SMARCC1: variants seen among roughly 807,000 people sequenced by gnomAD.
SMARCC1 encodes SWI/SNF related BAF chromatin remodeling complex subunit C1.
Under a neutral mutation model 147.4 loss-of-function variants are expected in SMARCC1, and 43 were observed. The ratio of observed to expected loss-of-function variants is 0.29; its 90% CI spans 0.23 to 0.38. SMARCC1 has a LOEUF of 0.38. Among genes scored for constraint, SMARCC1 ranks in the 10% least tolerant of loss-of-function variants. The probability of loss-of-function intolerance (pLI) is 1.00; values close to 1 mark genes in which losing one functional copy is unlikely to be tolerated. For synonymous variants in SMARCC1, 495 were observed against 484.4 expected (o/e 1.02, Z -0.29); for missense variants, 1,119 against 1,381.1 (o/e 0.81, Z 3.01).
chr3:47,748,135 G>A (rs1490875532), intron 2 of SMARCC1, among the ~76,000 whole-genome samples: 1 of 152,160 alleles, frequency 6.6e-6, no homozygotes, highest in African/African-American at 2.4e-5. Context: ...GGGCGACACA[G>A]TGAGACTGTC....
intron 22 of SMARCC1, among the ~76,000 whole-genome samples, chr3:47,638,462 C>A (rs927313372): frequency 6.6e-6 from 1 of 152,158 alleles, no homozygotes; most frequent in Admixed American, 6.5e-5. Flanking sequence ...GTGGGAAATT[C>A]ATATTCCTTC....
At chr3:47,777,101 T>TGA (rs1559670703) in intron 1 of SMARCC1, among the ~76,000 whole-genome samples, 1 of 149,956 alleles carries the variant, frequency 6.7e-6, no homozygotes, top group African/African-American at 2.5e-5. Context: ...TTTTTTTTTT[T>TGA]GAGAGAGTCT....
In SMARCC1 at chr3:47,635,304, T is replaced by C. The variant is rs1375527862; in HGVS notation, c.2532A>G (p.Thr844=). 4 of 1,612,780 alleles carry C rather than the reference T, an allele frequency of 2.5e-6. No homozygotes were observed. The highest frequency in any genetic ancestry group is 1.3e-5 in the African/African-American group (1 of 74,926). The change falls in exon 24 of 28, where the codon ACA becomes ACG. Residue 844 remains threonine, a synonymous_variant. Coordinates refer to ENST00000254480, the MANE Select transcript of SMARCC1 (RefSeq NM_003074.4). ...CAGTATCACTTTCTCTTTCTTTACATGTATCAGTGAGTTCTTTGTTCTCTT... is the reference window on the plus strand; with the variant it reads ...CAGTATCACTTTCTCTTTCTTTACACGTATCAGTGAGTTCTTTGTTCTCTT... The part of the protein sequence containing the change: ...ETEENKELTD[T]CKERESDTGK...
chr3:47,717,261 T>C (rs1385495356), intron 7 of SMARCC1, among the ~76,000 whole-genome samples: 1 of 152,170 alleles, frequency 6.6e-6, no homozygotes, highest in African/African-American at 2.4e-5. Flanking sequence ...TAACCTTAGA[T>C]CCGGCTACCA....
intron 2 of SMARCC1, among the ~76,000 whole-genome samples, chr3:47,767,245 CT>C (rs1354572113): frequency 2.5e-4 from 30 of 120,916 alleles, no homozygotes; most frequent in East Asian, 8.7e-4. Flanking sequence ...TCCTTTTTCT[CT>C]TTTTTTTTTT....
chr3:47,649,017 A>C (rs1181838648), intron 21 of SMARCC1, among the ~76,000 whole-genome samples: 2 of 152,234 alleles, frequency 1.3e-5, no homozygotes, highest in Non-Finnish European at 2.9e-5. Context: ...GACATCAGGA[A>C]AGTCACGTAA....
chr3:47,750,008 G>A (rs1251644696), intron 2 of SMARCC1, among the ~76,000 whole-genome samples: 2 of 151,534 alleles, frequency 1.3e-5, no homozygotes, highest in African/African-American at 4.9e-5. Flanking sequence ...CATGAACCCG[G>A]GACATGGAGC....
intron 2 of SMARCC1, among the ~76,000 whole-genome samples, chr3:47,761,383 G>A (rs2034771560): frequency 6.6e-6 from 1 of 152,144 alleles, no homozygotes; most frequent in Non-Finnish European, 1.5e-5. Context: ...TGGTGTTGGT[G>A]TGGATCTTAT....
Position 47,708,466 on chromosome 3 carries a change from T to C in SMARCC1, c.919-1936A>G, listed in dbSNP as rs368007230. Among the ~76,000 whole-genome samples, 6 of 152,222 alleles carry C rather than the reference T, an allele frequency of 3.9e-5. 1 individual carries two copies. Among genetic ancestry groups the C allele is most frequent in the African/African-American group, 1.4e-4 (6 of 41,534 alleles). ...CTTAATTTTTTAACAAATATCCATT[T>C]CTATATAACCTCCTAAAAATAAATG... On this transcript the variant is annotated intron_variant, in intron 9 of 27. Coordinates refer to ENST00000254480, the MANE Select transcript of SMARCC1 (RefSeq NM_003074.4).
At position 47,642,202 on chromosome 3, in the gene SMARCC1, G is replaced by C. The variant is rs1343337324; in HGVS notation, c.2321-3422C>G. Among the ~76,000 whole-genome samples, 4 of 152,186 alleles carry C rather than the reference G, an allele frequency of 2.6e-5. No homozygotes were observed. In the East Asian group the frequency reaches 5.8e-4, roughly 22 times the overall value. On this transcript the variant is annotated intron_variant, in intron 21 of 27. Coordinates refer to ENST00000254480, the MANE Select transcript of SMARCC1 (RefSeq NM_003074.4). ...TAACTTGCAAAAGATTAGTACATAA[G>C]ATCTATAAAGAAAAAGGCAAATACT...
intron 7 of SMARCC1, among the ~76,000 whole-genome samples, chr3:47,718,589 A>G (rs899382774): frequency 2.0e-5 from 3 of 152,134 alleles, no homozygotes; most frequent in Admixed American, 2.0e-4. Flanking sequence ...CAAGGGATAA[A>G]AGACTACAAA....
intron 1 of SMARCC1, among the ~76,000 whole-genome samples, chr3:47,777,689 G>A (rs2034991885): frequency 6.6e-6 from 1 of 151,460 alleles, no homozygotes; most frequent in Non-Finnish European, 1.5e-5. Context: ...CACCACACCC[G>A]GCTAATTTTT....
intron 15 of SMARCC1, 34 bp from the exon 16 acceptor site, chr3:47,678,345 A>G (rs1421422872): frequency 5.7e-6 from 6 of 1,052,864 alleles, no homozygotes; most frequent in Non-Finnish European, 8.6e-6. Context: ...TAAGGTGGAC[A>G]TGTATCCTCT....
intron 12 of SMARCC1, among the ~76,000 whole-genome samples, chr3:47,692,510 C>T (rs1336931669): frequency 2.0e-5 from 3 of 152,204 alleles, no homozygotes; most frequent in Non-Finnish European, 4.4e-5. Context: ...TTAATTAGAA[C>T]TATTTCCTTA....
At chr3:47,757,418 A>G (rs1198901605) in intron 2 of SMARCC1, among the ~76,000 whole-genome samples, 1 of 152,166 alleles carries the variant, frequency 6.6e-6, no homozygotes, top group African/African-American at 2.4e-5. Flanking sequence ...TTATAACCAC[A>G]AATCTACTAA....
intron 7 of SMARCC1, among the ~76,000 whole-genome samples, chr3:47,720,366 A>AC (rs1673727874): frequency 6.6e-6 from 1 of 150,822 alleles, no homozygotes; most frequent in South Asian, 2.1e-4. Context: ...CTCATGATCC[A>AC]CTGCCTCAGC....
chr3:47,673,227 A>G (rs1000024448), intron 18 of SMARCC1, among the ~76,000 whole-genome samples: 10 of 151,980 alleles, frequency 6.6e-5, no homozygotes, highest in African/African-American at 2.4e-4. Flanking sequence ...CTTTAAAAAA[A>G]TAAAAATAAA....
intron 18 of SMARCC1, among the ~76,000 whole-genome samples, chr3:47,674,876 T>C (rs984238690): frequency 2.6e-5 from 4 of 152,194 alleles, no homozygotes; most frequent in African/African-American, 7.2e-5. Flanking sequence ...CATTAATTCT[T>C]TGGACTGTAT....
rs995253120 is a variant in SMARCC1, at chr3:47,635,990, A to G, written c.2491+32T>C. The G allele has an allele frequency of 7.8e-6, 8 of 1,029,568 alleles. No individual in the cohort carries two copies. The African/African-American group carries it at 9.6e-5, about 12-fold the overall frequency. The allele number at this position is 1,029,568 out of a possible 1,614,324, so 63.8% of individuals were successfully genotyped here. A position where few individuals can be genotyped will look rare whatever the true frequency, so the allele number is the denominator to read the frequency against. ...TCTCCAGTGCCTTTTACAGTTTTAC[A>G]TAATAATATCTAAGGAGTTTCCTCA... On this transcript the variant is annotated intron_variant, in intron 23 of 27. Coordinates refer to ENST00000254480, the MANE Select transcript of SMARCC1 (RefSeq NM_003074.4).
Sources: allele counts gnomAD v4.1 joint callset (sites outside exome capture counted in the v4.1 genomes callset), GRCh38; gene constraint gnomAD v4.1.1; transcripts MANE v1.5; gene names NCBI Gene and HGNC (gene_info 2026-07-23, HGNC 2026-07-21).